Variants in ATRN observed in about 807,000 individuals in gnomAD.
The protein encoded by ATRN is attractin-2.
A neutral mutation model predicts 178.7 loss-of-function variants in ATRN; 54 were observed. That is an observed-to-expected ratio of 0.30 (90% CI 0.24 to 0.38). The LOEUF (loss-of-function observed/expected upper bound fraction) is 0.38, where lower values mean the gene tolerates loss of function less well. Among genes scored for constraint, ATRN ranks in the 10% least tolerant of loss-of-function variants. The pLI, the probability that ATRN is intolerant of heterozygous loss-of-function variation, is 1.00. For synonymous variants in ATRN, 636 were observed against 663.0 expected (o/e 0.96, Z 0.63); for missense variants, 1,443 against 1,815.1 (o/e 0.79, Z 3.73).
chr20:3,573,602 T>C (rs1687231697), intron 12 of ATRN, among the ~76,000 whole-genome samples: 1 of 152,130 alleles, frequency 6.6e-6, no homozygotes, highest in African/African-American at 2.4e-5. Flanking sequence ...TTACTGAGGA[T>C]GGGCGATGAT....
rs535390217 is a variant in ATRN, at chr20:3,584,782, C to T, written c.3086C>T (p.Ser1029Leu). The change falls in exon 18 of 29, where the codon TCG becomes TTG. Residue 1029 changes from serine to leucine, a missense_variant. By Grantham distance (145) the Ser-to-Leu change is moderately radical. Around this residue, in one of 4 missense-constraint regions of ATRN, gnomAD observed 80 missense variants for 71.5 expected, o/e 1.12. Transcript: ENST00000262919. Reference sequence around the variant, plus strand: ...TATAAAGGACCAGTGAAGATGCCTTCGCAAGCCCCTACAGGAAATTTCTAT... The same window carrying T: ...TATAAAGGACCAGTGAAGATGCCTTTGCAAGCCCCTACAGGAAATTTCTAT... ...GSYKGPVKMPSQAPTGNFYPQ... is the reference protein window; with the variant it reads ...GSYKGPVKMPLQAPTGNFYPQ... The T allele has an allele frequency of 2.4e-5, 39 of 1,614,118 alleles. No individual in the cohort carries two copies. Among genetic ancestry groups the T allele is most frequent in the African/African-American group, 1.3e-4 (10 of 75,034 alleles).
chr20:3,492,881 A>G (rs866722131), intron 1 of ATRN, among the ~76,000 whole-genome samples: 20 of 141,106 alleles, frequency 1.4e-4, no homozygotes, highest in African/African-American at 4.7e-4. Flanking sequence ...GCACGCACAC[A>G]CACACACACA....
At chr20:3,490,992 A>G (rs577586504) in intron 1 of ATRN, 3 of 1,527,500 alleles carry the variant, frequency 2.0e-6, no homozygotes, top group Non-Finnish European at 2.7e-6. Flanking sequence ...CTGCTGCTCC[A>G]GTATTGTCTC....
intron 1 of ATRN, among the ~76,000 whole-genome samples, chr20:3,479,253 T>C (rs973837505): frequency 6.6e-6 from 1 of 152,220 alleles, no homozygotes; most frequent in African/African-American, 2.4e-5. Flanking sequence ...TGCTGAATAT[T>C]GTGTGTTAGG....
intron 25 of ATRN, among the ~76,000 whole-genome samples, chr20:3,626,671 T>G (rs2086942464): frequency 6.6e-6 from 1 of 152,162 alleles, no homozygotes; most frequent in Admixed American, 6.5e-5. Flanking sequence ...AAGTTCCTCT[T>G]GTGTTTCCCC....
At chr20:3,524,581 G>A (rs140728314) in intron 1 of ATRN, among the ~76,000 whole-genome samples, 30 of 152,216 alleles carry the variant, frequency 2.0e-4, no homozygotes, top group East Asian at 1.9e-3. Context: ...GACATCTACC[G>A]AACTCTCCAC....
intron 15 of ATRN, among the ~76,000 whole-genome samples, chr20:3,581,681 G>A (rs1265862641): frequency 6.6e-6 from 1 of 152,178 alleles, no homozygotes; most frequent in East Asian, 1.9e-4. Context: ...TTTCAGATTA[G>A]GGATACTCAG....
chr20:3,529,785 A>G (rs769491165), intron 1 of ATRN, among the ~76,000 whole-genome samples: 3 of 152,200 alleles, frequency 2.0e-5, no homozygotes, highest in Admixed American at 6.5e-5. Flanking sequence ...GCATTTTATT[A>G]TATGTAAATT....
At chr20:3,480,967 T>G (rs1402419159) in intron 1 of ATRN, among the ~76,000 whole-genome samples, 1 of 152,226 alleles carries the variant, frequency 6.6e-6, no homozygotes, top group African/African-American at 2.4e-5. Flanking sequence ...TTTGAAATAC[T>G]TGTGTCTGGA....
rs1309846508 is a variant in ATRN, at chr20:3,559,402, T to G, written c.1122T>G (p.Leu374=). ...TCTGTTTGTTTTGTAGGTATGACCT[T>G]GCTTCTAGGGAGTGGCTTCCACTAA... ...SDYNMVLAYD[L]ASREWLPLNR... Residue 374 remains leucine, a synonymous_variant, in exon 7 of 29, where the codon CTT becomes CTG. Coordinates refer to ENST00000262919, the MANE Select transcript of ATRN (RefSeq NM_139321.3). The G allele has an allele frequency of 6.2e-7, 1 of 1,612,644 alleles. No individual in the cohort carries two copies.
In ATRN at chr20:3,594,521, C is replaced by T. The variant is rs561153385; in HGVS notation, c.3365C>T (p.Thr1122Met). The T allele has an allele frequency of 1.6e-5, 25 of 1,612,636 alleles. No individual in the cohort carries two copies. Among genetic ancestry groups the T allele is most frequent in the South Asian group, 4.4e-5 (4 of 90,804 alleles). ...NGHASLCNTN[T>M]GKCFCTTKGV... ...CACGCGTCTCTGTGCAACACCAACA[C>T]GGGCAAGTGCTTCTGCACCACCAAG... The change falls in exon 20 of 29, where the codon ACG becomes ATG. Residue 1122 changes from threonine to methionine, a missense_variant. Transcript: ENST00000262919.
chr20:3,631,375 G>T (rs542247360), intron 25 of ATRN, among the ~76,000 whole-genome samples: 1 of 152,150 alleles, frequency 6.6e-6, no homozygotes, highest in Non-Finnish European at 1.5e-5. Context: ...GGGGAAATTC[G>T]ATGATTCAAA....
intron 18 of ATRN, among the ~76,000 whole-genome samples, chr20:3,586,394 A>G (rs1210152258): frequency 6.6e-6 from 1 of 152,018 alleles, no homozygotes; most frequent in Non-Finnish European, 1.5e-5. Flanking sequence ...GTAGATGTTT[A>G]GTGGTTTCCT....
intron 1 of ATRN, among the ~76,000 whole-genome samples, chr20:3,492,509 A>C (rs1187470661): frequency 6.6e-6 from 1 of 152,008 alleles, no homozygotes; most frequent in Non-Finnish European, 1.5e-5. Context: ...AGGTAGCCAG[A>C]GGTGTTAGCA....
At position 3,493,788 on chromosome 20, in the gene ATRN, C is replaced by A. The variant is rs1344921475; in HGVS notation, c.410+22271C>A. On this transcript the variant is annotated intron_variant, in intron 1 of 28. Coordinates refer to ENST00000262919, the MANE Select transcript of ATRN (RefSeq NM_139321.3). The stretch of plus-strand genomic sequence containing the variant: ...GCTTCTGAAATGTTTTTTTCTTTTC[C>A]CATACTGTCATGGATACACACGAGA... 2.6e-5 allele frequency among the ~76,000 whole-genome samples: 4 copies of A among 151,864 alleles called. No homozygotes were observed. In the East Asian group the frequency reaches 7.7e-4, roughly 29 times the overall value.
chr20:3,609,963 G>A (rs1481745550), intron 24 of ATRN, among the ~76,000 whole-genome samples: 2 of 152,132 alleles, frequency 1.3e-5, no homozygotes, highest in Non-Finnish European at 2.9e-5. Flanking sequence ...GGGGGAGCGG[G>A]AAATAGGGAA....
intron 1 of ATRN, chr20:3,489,862 T>A (rs2084759922): frequency 7.8e-7 from 1 of 1,284,458 alleles, no homozygotes; most frequent in South Asian, 1.2e-5. Flanking sequence ...CAGTAGGGAA[T>A]GCGTTTGCCA....
intron 24 of ATRN, among the ~76,000 whole-genome samples, chr20:3,606,766 G>A (rs1274057359): frequency 6.6e-6 from 1 of 152,138 alleles, no homozygotes; most frequent in Non-Finnish European, 1.5e-5. Flanking sequence ...TTAGAATTTT[G>A]TATCTATTTC....
intron 24 of ATRN, among the ~76,000 whole-genome samples, chr20:3,615,538 CTT>C (rs934566572): frequency 6.7e-6 from 1 of 149,188 alleles, no homozygotes; most frequent in African/African-American, 2.5e-5. Context: ...CAGTTTAATT[CTT>C]TTCTTTTTTC....
Sources: allele counts gnomAD v4.1 joint callset (sites outside exome capture counted in the v4.1 genomes callset), GRCh38; gene constraint gnomAD v4.1.1; regional missense constraint gnomAD v4.1.1; transcripts MANE v1.5; gene names NCBI Gene and HGNC (gene_info 2026-07-23, HGNC 2026-07-21).